The following RGPD4 variants were observed in gnomAD, a reference collection of about 807,000 sequenced individuals.
RGPD4 encodes RANBP2 like and GRIP domain containing 4, also known as ranBP2-like and GRIP domain-containing protein 4.
RGPD4 carries 84 observed loss-of-function variants against 141.1 expected under a neutral mutation model. The ratio of observed to expected loss-of-function variants is 0.60; its 90% CI spans 0.50 to 0.71. The LOEUF (loss-of-function observed/expected upper bound fraction) is 0.71, where lower values mean the gene tolerates loss of function less well. RGPD4 is among the 30% of genes least tolerant of loss of function. RGPD4 has a pLI of 0.00. For synonymous variants in RGPD4, 298 were observed against 566.8 expected (o/e 0.53, Z 6.74); for missense variants, 918 against 1,622.4 (o/e 0.57, Z 7.46).
chr2:107,874,174 C>A (rs1313569492), intron 20 of RGPD4, among the ~76,000 whole-genome samples: 1 of 151,468 alleles, frequency 6.6e-6, no homozygotes, highest in African/African-American at 2.4e-5. Flanking sequence ...TGTTTAGCCA[C>A]TAACGTCTGC....
In RGPD4 at chr2:107,871,311, G is replaced by T; in HGVS notation, c.3307G>T (p.Glu1103Ter). ...CAAACCAAGAATGCTGATGCGAAGA[G>T]AACAAGTACTAAAAGTGTGTGCTAA... ...NGKPRMLMRR[E>*]QVLKVCANHW... The change falls in exon 20 of 23, where the codon GAA (glutamate) becomes TAA (stop). Residue 1103 changes from glutamate (E) to a stop codon, truncating the protein, a stop_gained. Coordinates refer to ENST00000408999, the MANE Select transcript of RGPD4 (RefSeq NM_182588.3). LOFTEE classifies it high-confidence loss of function. 1 of 1,604,070 alleles carries T rather than the reference G, an allele frequency of 6.2e-7. No homozygotes were observed. Among genetic ancestry groups the T allele is most frequent in the East Asian group, 2.2e-5 (1 of 44,830 alleles).
intron 21 of RGPD4, among the ~76,000 whole-genome samples, chr2:107,881,807 T>C (rs1159949265): frequency 1.3e-5 from 2 of 151,576 alleles, no homozygotes; most frequent in Non-Finnish European, 2.9e-5. Flanking sequence ...AACATGATAT[T>C]ACCTTTTTTA....
intron 1 of RGPD4, among the ~76,000 whole-genome samples, chr2:107,832,645 C>T (rs1240733167): frequency 2.2e-5 from 3 of 137,846 alleles, no homozygotes; most frequent in Non-Finnish European, 4.7e-5. Flanking sequence ...TTTCACCATA[C>T]TGGTCAGGCT....
chr2:107,883,253 C>T (rs1209533439), intron 22 of RGPD4: 1 of 437,384 alleles, frequency 2.3e-6, no homozygotes, highest in Admixed American at 2.5e-5. Flanking sequence ...CCTCCAACCC[C>T]AAATAGCCTA....
chr2:107,878,258 A>T lies in RGPD4; in HGVS notation c.4925-1710A>T, dbSNP rs559958525. Among the ~76,000 whole-genome samples, 6 of 151,672 alleles carry T rather than the reference A, an allele frequency of 4.0e-5. No individual in the cohort carries two copies. The South Asian group carries it at 1.0e-3, about 26-fold the overall frequency. ...AGGCCGAATCAATAGATTTTGAACA[A>T]TCTCACACTTAACCTTTAAAAAAAA... On this transcript the variant is annotated intron_variant, in intron 20 of 22. Coordinates refer to ENST00000408999, the MANE Select transcript of RGPD4 (RefSeq NM_182588.3).
rs770203813 is a variant in RGPD4, at chr2:107,872,856, G to C, written c.4852G>C (p.Val1618Leu). The C allele has an allele frequency of 2.7e-5, 44 of 1,600,732 alleles. No homozygotes were observed. The Admixed American group carries it at 6.5e-4, about 24-fold the overall frequency. Residue 1618 changes from valine (V) to leucine (L), a missense_variant, in exon 20 of 23, where the codon GTC (valine) becomes CTC (leucine). Val to Leu is a conservative substitution (Grantham distance 32, BLOSUM62 1). Transcript: ENST00000408999. ...TATCGAACAGTCTTCAGATAGCAAA[G>C]TCAAAAATCTCTCTGCTTCCTTTCC... ...SDIEQSSDSK[V>L]KNLSASFPME...
chr2:107,881,787 CA>C (rs1377372000), intron 21 of RGPD4, among the ~76,000 whole-genome samples: 1 of 151,424 alleles, frequency 6.6e-6, no homozygotes, highest in Non-Finnish European at 1.5e-5. Context: ...AAATCTTCCT[CA>C]AAGACTTGAA....
intron 21 of RGPD4, among the ~76,000 whole-genome samples, chr2:107,882,456 G>A (rs942495458): frequency 5.3e-5 from 8 of 150,860 alleles, no homozygotes; most frequent in Admixed American, 1.3e-4. Flanking sequence ...TTGGAGTTCC[G>A]GTTTTCATGT....
chr2:107,845,387 G>T (rs1251841611), intron 6 of RGPD4, among the ~76,000 whole-genome samples: 1 of 150,546 alleles, frequency 6.6e-6, no homozygotes, highest in Non-Finnish European at 1.5e-5. Context: ...TTCCCCACCA[G>T]GAAGCCCCAG....
intron 21 of RGPD4, among the ~76,000 whole-genome samples, chr2:107,882,041 A>G (rs1006743798): frequency 7.2e-5 from 11 of 151,958 alleles, no homozygotes; most frequent in Non-Finnish European, 1.5e-4. Flanking sequence ...TATCGAAAGT[A>G]GAAGGCAGAG....
chr2:107,871,638 G>C lies in RGPD4; in HGVS notation c.3634G>C (p.Asp1212His). The C allele has an allele frequency of 6.2e-7, 1 of 1,605,298 alleles. No individual in the cohort carries two copies. The highest frequency in any genetic ancestry group is 1.1e-5 in the South Asian group (1 of 90,568). Residue 1212 changes from aspartate to histidine, a missense_variant, in exon 20 of 23, where the codon GAT becomes CAT. Transcript: ENST00000408999. ...LKDFKTFLTN[D>H]QTKVTEEENK... ...AGATTTCAAAACATTTTTGACAAATGATCAAACAAAAGTCACTGAGGAAGA... is the reference window on the plus strand; with the variant it reads ...AGATTTCAAAACATTTTTGACAAATCATCAAACAAAAGTCACTGAGGAAGA...
intron 1 of RGPD4, 146 bp downstream of exon 1, chr2:107,827,231 C>T (rs1199140031): frequency 4.2e-6 from 2 of 474,576 alleles, no homozygotes; most frequent in African/African-American, 2.8e-5. Flanking sequence ...GCGGCGGCCT[C>T]GACCCGGCCC....
Position 107,871,852 on chromosome 2 carries a change from T to A in RGPD4, c.3848T>A (p.Phe1283Tyr). Residue 1283 changes from phenylalanine to tyrosine, a missense_variant, in exon 20 of 23, where the codon TTC becomes TAC. Phe to Tyr is a conservative substitution (Grantham distance 22, BLOSUM62 3). Transcript: ENST00000408999. ...AGTAGCCCTGTGAGAAAAAATCTTT[T>A]CCATTTTGGTGAGTCAACAACAGGA... is the stretch of plus-strand genomic sequence containing the variant. ...LASSPVRKNL[F>Y]HFGESTTGSN... 1.2e-6 allele frequency: 2 copies of A among 1,611,642 alleles called. No homozygotes were observed. The highest frequency in any genetic ancestry group is 1.7e-6 in the Non-Finnish European group (2 of 1,179,868).
intron 22 of RGPD4, among the ~76,000 whole-genome samples, chr2:107,883,883 T>TGA: frequency 1.3e-5 from 2 of 152,270 alleles, no homozygotes; most frequent in Middle Eastern, 3.4e-3. Flanking sequence ...CTCTAACAGT[T>TGA]TTCAACTCAT....
intron 22 of RGPD4, among the ~76,000 whole-genome samples, chr2:107,887,670 CCAAA>C (rs1359470290): frequency 3.2e-5 from 4 of 125,974 alleles, no homozygotes; most frequent in South Asian, 2.8e-4. Context: ...GCAGTAGTCC[CCAAA>C]CAATGTCAAA....
intron 6 of RGPD4, among the ~76,000 whole-genome samples, chr2:107,845,507 G>A (rs1248875787): frequency 2.0e-5 from 3 of 149,572 alleles, no homozygotes; most frequent in East Asian, 2.0e-4. Flanking sequence ...GTTACTTGGG[G>A]GCCTGAAGGG....
chr2:107,831,634 G>T (rs1346415418), intron 1 of RGPD4, among the ~76,000 whole-genome samples: 2 of 114,218 alleles, frequency 1.8e-5, no homozygotes, highest in Non-Finnish European at 3.4e-5. Context: ...GGAGTGTAGT[G>T]GCGCGATCTC....
chr2:107,874,707 C>T (rs1389273520), intron 20 of RGPD4, among the ~76,000 whole-genome samples: 1 of 150,018 alleles, frequency 6.7e-6, no homozygotes, highest in Non-Finnish European at 1.5e-5. Context: ...GAGCCTTATT[C>T]TGTTTTGAAT....
chr2:107,829,739 C>T (rs1345766961), intron 1 of RGPD4, among the ~76,000 whole-genome samples: 7 of 152,082 alleles, frequency 4.6e-5, no homozygotes, highest in African/African-American at 1.7e-4. Context: ...TTTCTCCCGG[C>T]TTGTTCCCGA....
Sources: gnomAD v4.1 joint callset for allele counts (sites outside exome capture counted in the v4.1 genomes callset) on GRCh38, gnomAD v4.1.1 for gene constraint, MANE v1.5 for transcripts, NCBI Gene and HGNC (gene_info 2026-07-23, HGNC 2026-07-21) for gene names.